NAALADL2: variants seen among roughly 807,000 people sequenced by gnomAD.
NAALADL2 encodes inactive N-acetylated-alpha-linked acidic dipeptidase-like protein 2.
NAALADL2 carries 76 observed loss-of-function variants against 87.2 expected under a neutral mutation model. The observed-to-expected ratio is 0.87, with a 90% CI of 0.72 to 1.05. NAALADL2 has a LOEUF of 1.05. Among genes scored for constraint, NAALADL2 ranks in the 50% least tolerant of loss-of-function variants. The probability of loss-of-function intolerance (pLI) is 0.00; values close to 1 mark genes in which losing one functional copy is unlikely to be tolerated. For synonymous variants in NAALADL2, 354 were observed against 331.0 expected (o/e 1.07, Z -0.75); for missense variants, 1,089 against 945.8 (o/e 1.15, Z -1.99).
intron 11 of NAALADL2, among the ~76,000 whole-genome samples, chr3:175,734,509 A>T (rs1197389272): frequency 6.6e-6 from 1 of 152,038 alleles, no homozygotes; most frequent in Non-Finnish European, 1.5e-5. Context: ...GTGAGCCAAG[A>T]TTGTGCCACT....
chr3:174,623,588 G>A (rs1052422949), intron 2 of NAALADL2, among the ~76,000 whole-genome samples: 1 of 151,022 alleles, frequency 6.6e-6, no homozygotes, highest in Non-Finnish European at 1.5e-5. Flanking sequence ...TTAAATAAAT[G>A]GTGCGTCTGT....
chr3:174,746,434 C>G (rs1029336383), intron 3 of NAALADL2, among the ~76,000 whole-genome samples: 2 of 151,992 alleles, frequency 1.3e-5, no homozygotes, highest in Admixed American at 6.6e-5. Flanking sequence ...TAAGAGAGAA[C>G]ACAAACAAAT....
chr3:175,250,756 A>C (rs1748912378), intron 3 of NAALADL2, among the ~76,000 whole-genome samples: 1 of 152,216 alleles, frequency 6.6e-6, no homozygotes, highest in African/African-American at 2.4e-5. Flanking sequence ...TGACAATGCA[A>C]GATTGCTATC....
intron 5 of NAALADL2, among the ~76,000 whole-genome samples, chr3:175,390,779 C>T (rs185198531): frequency 9.9e-5 from 15 of 152,174 alleles, no homozygotes; most frequent in African/African-American, 2.9e-4. Context: ...AGGCAGTTAG[C>T]GGGTGCTAAA....
At chr3:175,441,664 C>T (rs946634900) in intron 5 of NAALADL2, among the ~76,000 whole-genome samples, 1 of 99,926 alleles carries the variant, frequency 1.0e-5, no homozygotes, top group Admixed American at 1.1e-4. Context: ...TAGCAAGGAT[C>T]TCATGTTCAC....
chr3:174,701,888 A>T (rs1262378553), intron 2 of NAALADL2, among the ~76,000 whole-genome samples: 2 of 152,196 alleles, frequency 1.3e-5, no homozygotes, highest in Non-Finnish European at 2.9e-5. Context: ...TACAAAAAAG[A>T]TGCTTTTAAC....
chr3:175,341,291 A>C (rs940613726), intron 5 of NAALADL2, among the ~76,000 whole-genome samples: 3 of 152,188 alleles, frequency 2.0e-5, no homozygotes, highest in Non-Finnish European at 4.4e-5. Flanking sequence ...TATGTAGCAT[A>C]ATACTTTTAA....
intron 1 of NAALADL2, among the ~76,000 whole-genome samples, chr3:174,959,041 T>C (rs1007212099): frequency 1.5e-4 from 23 of 152,096 alleles, no homozygotes; most frequent in African/African-American, 5.1e-4. Flanking sequence ...AGAAGTCTAA[T>C]TCAGGAAATT....
intron 2 of NAALADL2, among the ~76,000 whole-genome samples, chr3:174,623,381 T>A (rs999920054): frequency 5.9e-5 from 9 of 152,294 alleles, no homozygotes; most frequent in African/African-American, 2.2e-4. Context: ...AATGGCACCA[T>A]ATACAGTAAG....
At chr3:175,762,166 A>G (rs1321822923) in intron 13 of NAALADL2, among the ~76,000 whole-genome samples, 1 of 145,708 alleles carries the variant, frequency 6.9e-6, no homozygotes, top group Middle Eastern at 3.3e-3. Flanking sequence ...GTTAATTTTC[A>G]TGAAAAGGAT....
chr3:175,121,765 G>GGGTT (rs1726192929), intron 2 of NAALADL2, among the ~76,000 whole-genome samples: 1 of 151,736 alleles, frequency 6.6e-6, no homozygotes. Flanking sequence ...GATTCAAGAT[G>GGGTT]GGTTTCTCCA....
intron 1 of NAALADL2, among the ~76,000 whole-genome samples, chr3:174,505,102 A>G (rs1466002974): frequency 6.6e-6 from 1 of 152,156 alleles, no homozygotes; most frequent in Non-Finnish European, 1.5e-5. Flanking sequence ...CTGATTATGT[A>G]TCTTCAGCTG....
intron 1 of NAALADL2, among the ~76,000 whole-genome samples, chr3:175,008,629 C>A (rs1215282274): frequency 6.6e-6 from 1 of 152,072 alleles, no homozygotes; most frequent in Non-Finnish European, 1.5e-5. Context: ...CTGGCCCAGG[C>A]AAAACCAGAT....
chr3:175,798,646 A>C (rs1327905855), intron 13 of NAALADL2, among the ~76,000 whole-genome samples: 4 of 152,078 alleles, frequency 2.6e-5, no homozygotes, highest in African/African-American at 9.6e-5. Context: ...ATTGATTTTC[A>C]GTTCTAAAAC....
At chr3:175,646,687 A>T (rs550278786) in intron 11 of NAALADL2, among the ~76,000 whole-genome samples, 1 of 152,090 alleles carries the variant, frequency 6.6e-6, no homozygotes, top group Non-Finnish European at 1.5e-5. Context: ...TACAACATAG[A>T]TGATCTATAT....
intron 4 of NAALADL2, among the ~76,000 whole-genome samples, chr3:175,271,766 G>C (rs1212286803): frequency 2.6e-5 from 4 of 152,230 alleles, no homozygotes; most frequent in Non-Finnish European, 5.9e-5. Flanking sequence ...CTGCACTCCT[G>C]CCTGGGTGAC....
At chr3:175,262,999 CAAA>C (rs71626206) in intron 4 of NAALADL2, among the ~76,000 whole-genome samples, 1 of 128,920 alleles carries the variant, frequency 7.8e-6, no homozygotes. Flanking sequence ...GAAGTAATTG[CAAA>C]AAAAAAAAAA....
At chr3:175,522,129 T>G (rs539132815) in intron 9 of NAALADL2, among the ~76,000 whole-genome samples, 2 of 152,324 alleles carry the variant, frequency 1.3e-5, no homozygotes, top group South Asian at 2.1e-4. Context: ...TATTTTAAAC[T>G]AAAATCTCAA....
intron 11 of NAALADL2, among the ~76,000 whole-genome samples, chr3:175,678,043 T>C (rs567900712): frequency 6.6e-6 from 1 of 152,332 alleles, no homozygotes; most frequent in Non-Finnish European, 1.5e-5. Context: ...CAGAGCCTTG[T>C]AGCTGGGCCA....
Sources: allele counts gnomAD v4.1 joint callset (sites outside exome capture counted in the v4.1 genomes callset), GRCh38; gene constraint gnomAD v4.1.1; transcripts MANE v1.5; gene names NCBI Gene and HGNC (gene_info 2026-07-23, HGNC 2026-07-21).